ST7: variants seen among roughly 807,000 people sequenced by gnomAD.
ST7 encodes suppression of tumorigenicity 7.
Under a neutral mutation model 78.7 loss-of-function variants are expected in ST7, and 28 were observed. The ratio of observed to expected loss-of-function variants is 0.36; its 90% CI spans 0.26 to 0.49. ST7 has a LOEUF of 0.49. Ranked by LOEUF, ST7 falls within the 20% of genes least tolerant of loss-of-function variation. The pLI is 0.99. For synonymous variants in ST7, 247 were observed against 249.6 expected (o/e 0.99, Z 0.10); for missense variants, 418 against 696.0 (o/e 0.60, Z 4.49).
chr7:117,050,050 C>T (rs1027323245), intron 1 of ST7, among the ~76,000 whole-genome samples: 1 of 132,568 alleles, frequency 7.5e-6, no homozygotes, highest in East Asian at 2.3e-4. Flanking sequence ...ACTAAAAATA[C>T]AAAAAAAAAA....
chr7:117,197,335 G>A (rs1006841898), intron 12 of ST7, among the ~76,000 whole-genome samples: 1 of 152,194 alleles, frequency 6.6e-6, no homozygotes, highest in African/African-American at 2.4e-5. Context: ...TCTACTTCTT[G>A]AGTCCTCCAT....
chr7:117,004,640 G>A lies in ST7; in HGVS notation c.151+50949G>A, dbSNP rs577487892. Among the ~76,000 whole-genome samples the A allele has an allele frequency of 3.9e-5, 6 of 152,116 alleles. 1 individual carries two copies. The South Asian group carries it at 1.0e-3, about 26-fold the overall frequency. ...CACACCACTGCACTCCAGCCTGGACGACAGAGCAACACCCTGTCTCAAAAT... is the reference window on the plus strand; with the variant it reads ...CACACCACTGCACTCCAGCCTGGACAACAGAGCAACACCCTGTCTCAAAAT... On this transcript the variant is annotated intron_variant, in intron 1 of 15. Coordinates refer to ENST00000323984, the MANE Select transcript of ST7 (RefSeq NM_001369598.1).
At chr7:117,212,814 G>C (rs1792399261) in intron 13 of ST7, among the ~76,000 whole-genome samples, 1 of 151,576 alleles carries the variant, frequency 6.6e-6, no homozygotes, top group African/African-American at 2.4e-5. Flanking sequence ...AGATGTTTTT[G>C]GTCTTTTAAA....
At position 117,104,036 on chromosome 7, in the gene ST7, C is replaced by T. The variant is rs542081866; in HGVS notation, c.234+4192C>T. On this transcript the variant is annotated intron_variant, in intron 2 of 15. Coordinates refer to ENST00000323984, the MANE Select transcript of ST7 (RefSeq NM_001369598.1). ...AGAGAAATGCAGACCAAAACCACAA[C>T]GAGCTATCATCTCACTACAGTTAGA... 4.3e-4 allele frequency among the ~76,000 whole-genome samples: 65 copies of T among 152,256 alleles called. 1 individual carries two copies. The highest frequency in any genetic ancestry group is 1.5e-3 in the African/African-American group (61 of 41,578).
intron 1 of ST7, among the ~76,000 whole-genome samples, chr7:116,970,066 A>G (rs980768904): frequency 6.6e-6 from 1 of 152,142 alleles, no homozygotes; most frequent in Non-Finnish European, 1.5e-5. Flanking sequence ...CAAGAGTGAA[A>G]CTTTGTCTCA....
chr7:117,092,814 A>G (rs1407505965), intron 1 of ST7, among the ~76,000 whole-genome samples: 6 of 152,228 alleles, frequency 3.9e-5, no homozygotes, highest in Admixed American at 1.3e-4. Flanking sequence ...GTTGCTTTGC[A>G]TGAAATTGAC....
chr7:116,972,065 T>C (rs1793455408), intron 1 of ST7: 1 of 487,330 alleles, frequency 2.1e-6, no homozygotes, highest in African/African-American at 2.0e-5. Flanking sequence ...AGCCTTCCAG[T>C]TAAAGATCAG....
chr7:117,201,377 A>C (rs1386201025), intron 12 of ST7, among the ~76,000 whole-genome samples: 1 of 151,958 alleles, frequency 6.6e-6, no homozygotes, highest in Non-Finnish European at 1.5e-5. Flanking sequence ...TGCTTTCCCC[A>C]AGACTACTCC....
chr7:117,134,044 A>C (rs578251401), intron 6 of ST7, 80 bp from the exon 7 acceptor site: 11 of 1,569,094 alleles, frequency 7.0e-6, no homozygotes, highest in Non-Finnish European at 7.8e-6. Flanking sequence ...ATTACCCTGA[A>C]CTCCGAAATG....
At chr7:117,074,673 G>T (rs1360243754) in intron 1 of ST7, 3 of 152,204 alleles carry the variant, frequency 2.0e-5, no homozygotes, top group African/African-American at 7.2e-5. Flanking sequence ...ATAAGATTTT[G>T]AGAGATTAAA....
chr7:117,138,386 T>A, intron 8 of ST7, 49 bp from the exon 9 acceptor site: 1 of 1,334,496 alleles, frequency 7.5e-7, no homozygotes. Context: ...AATGGGCCTC[T>A]GTATTTTTTT....
intron 1 of ST7, among the ~76,000 whole-genome samples, chr7:117,006,473 C>T (rs10238742): frequency 0.98 from 149,826 of 152,376 alleles, 73,718 homozygotes; most frequent in East Asian, 1. Context: ...ATGTTTATTC[C>T]TTCTTTATAT....
chr7:117,054,941 A>G (rs1017763767), intron 1 of ST7, among the ~76,000 whole-genome samples: 3 of 152,232 alleles, frequency 2.0e-5, no homozygotes, highest in African/African-American at 7.2e-5. Flanking sequence ...GTAATGTGGT[A>G]TAGGGAACCC....
chr7:117,206,369 T>A (rs1256259578), intron 12 of ST7, among the ~76,000 whole-genome samples: 1 of 151,578 alleles, frequency 6.6e-6, no homozygotes, highest in African/African-American at 2.4e-5. Context: ...CTGTAGGAGG[T>A]GTGGGGAGGG....
chr7:117,002,120 C>T (rs754895613), intron 1 of ST7, among the ~76,000 whole-genome samples: 82 of 151,768 alleles, frequency 5.4e-4, no homozygotes, highest in Non-Finnish European at 8.4e-4. Flanking sequence ...CCCAGCTACT[C>T]GGGAGGCTGA....
At chr7:117,097,908 A>ATATATATATATAT in intron 1 of ST7, among the ~76,000 whole-genome samples, 14 of 30,002 alleles carry the variant, frequency 4.7e-4, no homozygotes, top group African/African-American at 1.8e-3. Flanking sequence ...ATATATATAT[A>ATATATATATATAT]TTTTTTTTTT....
At chr7:117,097,908 A>ATATATATATATTTTTTTTTTTTTT in intron 1 of ST7, among the ~76,000 whole-genome samples, 1 of 30,020 alleles carries the variant, frequency 3.3e-5, no homozygotes, top group Non-Finnish European at 5.4e-5. Context: ...ATATATATAT[A>ATATATATATATTTTTTTTTTTTTT]TTTTTTTTTT....
intron 1 of ST7, among the ~76,000 whole-genome samples, chr7:117,065,773 A>G (rs1798602961): frequency 6.6e-6 from 1 of 152,286 alleles, no homozygotes; most frequent in Non-Finnish European, 1.5e-5. Context: ...TGTAATTCAG[A>G]TCATGCCATC....
chr7:117,017,060 C>T (rs11978985), intron 1 of ST7, among the ~76,000 whole-genome samples: 4,795 of 152,244 alleles, frequency 0.031, 234 homozygotes, highest in African/African-American at 0.11. Flanking sequence ...ATGAAACACT[C>T]TTCCTTCCAC....
Sources: gnomAD v4.1 joint callset for allele counts (sites outside exome capture counted in the v4.1 genomes callset) on GRCh38, gnomAD v4.1.1 for gene constraint, MANE v1.5 for transcripts, NCBI Gene and HGNC (gene_info 2026-07-23, HGNC 2026-07-21) for gene names.